Variants in OR51B5 observed in about 807,000 individuals in gnomAD.
OR51B5 encodes the protein olfactory receptor 51B5.
For missense variants in OR51B5, 456 were observed against 374.6 expected (o/e 1.22, Z -1.79); for synonymous variants, 186 against 144.8 (o/e 1.28, Z -2.04).
chr11:5,395,917 A>G, intron 1 of OR51B5, among the ~76,000 whole-genome samples: 1 of 152,210 alleles, frequency 6.6e-6, no homozygotes, highest in East Asian at 1.9e-4. Context: ...AACTAATAAA[A>G]TGTGTCTATT....
intron 1 of OR51B5, among the ~76,000 whole-genome samples, chr11:5,400,111 G>A (rs1010302177): frequency 6.6e-6 from 1 of 152,118 alleles, no homozygotes; most frequent in African/African-American, 2.4e-5. Flanking sequence ...GCCATAAGAT[G>A]TTCTGATGTG....
At chr11:5,373,079 C>T (rs1032450364) in intron 1 of OR51B5, among the ~76,000 whole-genome samples, 4 of 152,138 alleles carry the variant, frequency 2.6e-5, no homozygotes, top group Non-Finnish European at 2.9e-5. Context: ...AGGATAGTCT[C>T]CTCAACAAAT....
intron 1 of OR51B5, among the ~76,000 whole-genome samples, chr11:5,433,382 AGGG>A (rs1476091227): frequency 6.6e-6 from 1 of 152,220 alleles, no homozygotes; most frequent in African/African-American, 2.4e-5. Flanking sequence ...TGAAGTAGGA[AGGG>A]GTGCTCATGA....
intron 1 of OR51B5, among the ~76,000 whole-genome samples, chr11:5,411,315 T>G (rs563677301): frequency 1.3e-5 from 2 of 152,334 alleles, no homozygotes; most frequent in African/African-American, 4.8e-5. Flanking sequence ...TAGAGCAACA[T>G]GTACATGTTT....
At chr11:5,483,819 C>T (rs1851462192) in intron 1 of OR51B5, among the ~76,000 whole-genome samples, 1 of 152,110 alleles carries the variant, frequency 6.6e-6, no homozygotes, top group Non-Finnish European at 1.5e-5. Flanking sequence ...TTACCAATCC[C>T]CTTGACTAGA....
At chr11:5,398,989 C>T (rs76674048) in intron 1 of OR51B5, among the ~76,000 whole-genome samples, 10,939 of 152,238 alleles carry the variant, frequency 0.072, 456 homozygotes, top group African/African-American at 0.1. Context: ...ACTCCCAACC[C>T]CATGTCACAG....
At chr11:5,351,669 T>C (rs779619076) in intron 1 of OR51B5, 17 of 1,613,994 alleles carry the variant, frequency 1.1e-5, no homozygotes, top group South Asian at 5.5e-5. Flanking sequence ...ATAACCTCCA[T>C]GAGCCCATGT....
intron 1 of OR51B5, chr11:5,403,417 T>C: frequency 4.2e-6 from 2 of 471,434 alleles, no homozygotes; most frequent in Non-Finnish European, 8.8e-6. Flanking sequence ...TCCCCTCTGC[T>C]GCAAGCCATG....
At chr11:5,424,045 A>C (rs1334564209) in intron 1 of OR51B5, among the ~76,000 whole-genome samples, 1 of 152,230 alleles carries the variant, frequency 6.6e-6, no homozygotes, top group Non-Finnish European at 1.5e-5. Context: ...ATCATAAAAA[A>C]TATTTTGTGG....
rs1377856030 is a variant in OR51B5, at chr11:5,360,460, A to T, written n.85-13550T>A. Among the ~76,000 whole-genome samples the T allele has an allele frequency of 2.0e-5, 3 of 151,164 alleles. No homozygotes were observed. The East Asian group carries it at 5.8e-4, about 29-fold the overall frequency. ...AGTGAGATACCATCTCACACCAGTT[A>T]GAATGGCGATCATTAAAAAGTCAGG... On this transcript the variant is annotated intron_variant and non_coding_transcript_variant, in intron 1 of 4. Transcript: ENST00000415970.
chr11:5,488,588 G>A, intron 1 of OR51B5: 2 of 800,780 alleles, frequency 2.5e-6, no homozygotes, highest in Non-Finnish European at 3.9e-6. Context: ...AATTTTTTTA[G>A]TCTAAAAAAG....
chr11:5,444,661 C>T (rs1242040168), intron 1 of OR51B5, among the ~76,000 whole-genome samples: 1 of 152,154 alleles, frequency 6.6e-6, no homozygotes, highest in Non-Finnish European at 1.5e-5. Context: ...GTGGGTACAG[C>T]TGGCAGTGGC....
At chr11:5,409,625 A>C (rs994531735) in intron 1 of OR51B5, among the ~76,000 whole-genome samples, 1 of 152,034 alleles carries the variant, frequency 6.6e-6, no homozygotes, top group East Asian at 1.9e-4. Flanking sequence ...CAAAAATTGA[A>C]AATATAAAGC....
chr11:5,376,795 A>C (rs1206532328), intron 1 of OR51B5, among the ~76,000 whole-genome samples: 1 of 151,444 alleles, frequency 6.6e-6, no homozygotes, highest in Non-Finnish European at 1.5e-5. Flanking sequence ...CAATAACAGG[A>C]TCTGAAATTG....
At chr11:5,497,728 A>G (rs1851669932) in intron 1 of OR51B5, among the ~76,000 whole-genome samples, 3 of 152,262 alleles carry the variant, frequency 2.0e-5, no homozygotes, top group African/African-American at 4.8e-5. Context: ...CTAAACTCCT[A>G]TTTTAACAAT....
chr11:5,359,694 T>G (rs1417772867), intron 1 of OR51B5, among the ~76,000 whole-genome samples: 1 of 150,844 alleles, frequency 6.6e-6, no homozygotes, highest in Non-Finnish European at 1.5e-5. Context: ...ATGCCAATCC[T>G]AAGCCAAAAG....
At chr11:5,435,025 G>T (rs988593502) in intron 1 of OR51B5, among the ~76,000 whole-genome samples, 8 of 152,122 alleles carry the variant, frequency 5.3e-5, no homozygotes, top group Non-Finnish European at 1.0e-4. Flanking sequence ...GCAAACTGGA[G>T]GTCAGGTGGT....
At chr11:5,458,818 C>A (rs902927156) in intron 1 of OR51B5, among the ~76,000 whole-genome samples, 1 of 152,020 alleles carries the variant, frequency 6.6e-6, no homozygotes. Flanking sequence ...CTTAAATTTT[C>A]GCTGAAATTG....
In OR51B5 at chr11:5,375,863, G is replaced by C. The variant is rs1226570970; in HGVS notation, n.85-28953C>G. Among the ~76,000 whole-genome samples, 4 of 152,202 alleles carry C rather than the reference G, an allele frequency of 2.6e-5. No homozygotes were observed. In the East Asian group the frequency reaches 7.7e-4, roughly 29 times the overall value. On this transcript the variant is annotated intron_variant and non_coding_transcript_variant, in intron 1 of 4. Coordinates refer to the OR51B5 transcript ENST00000415970. ...TTAGACTCCCACACTTTAATAATGGGAGACTTTAATACCCCACTGTCAACA... is the reference window on the plus strand; with the variant it reads ...TTAGACTCCCACACTTTAATAATGGCAGACTTTAATACCCCACTGTCAACA...
Sources: gnomAD v4.1 joint callset for allele counts (sites outside exome capture counted in the v4.1 genomes callset) on GRCh38, gnomAD v4.1.1 for gene constraint, MANE v1.5 for transcripts, NCBI Gene and HGNC (gene_info 2026-07-23, HGNC 2026-07-21) for gene names.